Variants in CCDC172 observed in about 807,000 individuals in gnomAD.
The protein encoded by CCDC172 is coiled-coil domain containing 172, also known as coiled-coil domain-containing protein 172.
In CCDC172, 30 loss-of-function variants were observed where a neutral mutation model predicts 38.0. The ratio of observed to expected loss-of-function variants is 0.79; its 90% CI spans 0.59 to 1.07. The LOEUF (loss-of-function observed/expected upper bound fraction) is 1.07. Among genes scored for constraint, CCDC172 ranks in the 50% least tolerant of loss-of-function variants. The pLI, the probability that CCDC172 is intolerant of heterozygous loss-of-function variation, is 0.00. For missense variants in CCDC172, 297 were observed against 290.1 expected, an observed-to-expected ratio of 1.02 and a Z score of -0.17; for synonymous variants, 78 against 88.3, an observed-to-expected ratio of 0.88 and a Z score of 0.66.
chr10:116,353,402 A>C (rs2134942444), intron 5 of CCDC172, among the ~76,000 whole-genome samples: 1 of 152,330 alleles, frequency 6.6e-6, no homozygotes, highest in Admixed American at 6.5e-5. Flanking sequence ...CATCAAAGTT[A>C]AAAACTCTTG....
intron 7 of CCDC172, among the ~76,000 whole-genome samples, chr10:116,368,878 C>A (rs1318117687): frequency 6.6e-6 from 1 of 151,962 alleles, no homozygotes; most frequent in African/African-American, 2.4e-5. Flanking sequence ...TTCCTCCATT[C>A]TGTATGTATG....
chr10:116,360,231 A>G (rs1218657342), intron 7 of CCDC172, among the ~76,000 whole-genome samples: 1 of 152,182 alleles, frequency 6.6e-6, no homozygotes, highest in African/African-American at 2.4e-5. Flanking sequence ...GTTTTTTCAT[A>G]TAGTGTAGGG....
intron 5 of CCDC172, among the ~76,000 whole-genome samples, chr10:116,344,117 A>G (rs1844835249): frequency 6.6e-6 from 1 of 152,234 alleles, no homozygotes; most frequent in African/African-American, 2.4e-5. Flanking sequence ...TTAATCTGAA[A>G]GAAAGTGGGA....
At chr10:116,348,936 T>C (rs1844898781) in intron 5 of CCDC172, among the ~76,000 whole-genome samples, 2 of 152,168 alleles carry the variant, frequency 1.3e-5, no homozygotes, top group African/African-American at 4.8e-5. Context: ...GTAAGCCACA[T>C]AGCAGGAGGT....
At chr10:116,376,825 A>T (rs573521208) in intron 7 of CCDC172, among the ~76,000 whole-genome samples, 3 of 152,288 alleles carry the variant, frequency 2.0e-5, no homozygotes, top group Admixed American at 6.5e-5. Flanking sequence ...CTTAAAAGTA[A>T]GGCATGAGAA....
chr10:116,339,186 A>G (rs981279148), intron 3 of CCDC172, among the ~76,000 whole-genome samples: 1 of 151,940 alleles, frequency 6.6e-6, no homozygotes. Flanking sequence ...TTATCTTTTC[A>G]TTACTTTGAA....
chr10:116,353,147 C>T (rs958425198), intron 5 of CCDC172, among the ~76,000 whole-genome samples: 8 of 151,714 alleles, frequency 5.3e-5, no homozygotes, highest in Admixed American at 5.3e-4. Flanking sequence ...GAGCCGAGAT[C>T]GCGCCACTGC....
chr10:116,368,771 C>T (rs1249497496), intron 7 of CCDC172, among the ~76,000 whole-genome samples: 1 of 151,978 alleles, frequency 6.6e-6, no homozygotes, highest in Non-Finnish European at 1.5e-5. Context: ...TGCTTCTAAG[C>T]ACTTTAAGTG....
At chr10:116,376,008 G>A (rs952368797) in intron 7 of CCDC172, among the ~76,000 whole-genome samples, 3 of 152,152 alleles carry the variant, frequency 2.0e-5, no homozygotes, top group Admixed American at 2.0e-4. Flanking sequence ...ATTTGACTCA[G>A]CAATCCCATT....
chr10:116,374,339 T>C (rs1251738505), intron 7 of CCDC172, among the ~76,000 whole-genome samples: 1 of 152,170 alleles, frequency 6.6e-6, no homozygotes, highest in Non-Finnish European at 1.5e-5. Flanking sequence ...CTGAGGTTCC[T>C]AAGATCTACA....
At chr10:116,349,351 T>C (rs977968997) in intron 5 of CCDC172, among the ~76,000 whole-genome samples, 1 of 152,188 alleles carries the variant, frequency 6.6e-6, no homozygotes, top group African/African-American at 2.4e-5. Flanking sequence ...GGAAAAATTG[T>C]CTTCCACAAA....
chr10:116,325,200 T>C, intron 2 of CCDC172, 103 bp from the exon 3 acceptor site: 3 of 1,463,580 alleles, frequency 2.0e-6, no homozygotes, highest in South Asian at 2.3e-5. Flanking sequence ...GGAGCTTGCA[T>C]GCCATGCTGA....
intron 3 of CCDC172, among the ~76,000 whole-genome samples, chr10:116,326,938 G>A (rs1453647860): frequency 6.6e-6 from 1 of 152,172 alleles, no homozygotes; most frequent in African/African-American, 2.4e-5. Flanking sequence ...AAAGCTGGTG[G>A]TATGGGCAAA....
chr10:116,357,945 G>A lies in CCDC172; in HGVS notation c.653+7G>A. On this transcript the variant is annotated splice_region_variant and intron_variant, in intron 7 of 8. Transcript: ENST00000333254. ...ATGATACAGAATGCTTAAGGTAAGA[G>A]TTTCCTGTTATATTTTGGCCTAAAT... The A allele has an allele frequency of 2.7e-6, 4 of 1,507,834 alleles. No homozygotes were observed. The highest frequency in any genetic ancestry group is 3.7e-6 in the Non-Finnish European group (4 of 1,095,886). The allele number at this position is 1,507,834 out of a possible 1,614,324, so 93.4% of individuals were successfully genotyped here. A position where few individuals can be genotyped will look rare whatever the true frequency, so the allele number is the denominator to read the frequency against.
rs559822318 is a variant in CCDC172 at position 116,370,917 on chromosome 10, ATTATT to A, written c.654-7500_654-7496del. ...ATTTTATATCTTGTCACCTTACTAAATTATTTTATTATTTGAATTTTTTTATTCAT... is the reference window on the plus strand; with the variant it reads ...ATTTTATATCTTGTCACCTTACTAAATTATTATTTGAATTTTTTTATTCAT... On this transcript the variant is annotated intron_variant, in intron 7 of 8. Transcript: ENST00000333254. 4.6e-4 allele frequency among the ~76,000 whole-genome samples: 70 copies of A among 151,814 alleles called. 1 individual carries two copies. The South Asian group carries it at 0.014, about 31-fold the overall frequency.
At chr10:116,363,793 T>C (rs766215133) in intron 7 of CCDC172, among the ~76,000 whole-genome samples, 5 of 151,672 alleles carry the variant, frequency 3.3e-5, no homozygotes, top group Admixed American at 6.6e-5. Context: ...AAAAATTAGC[T>C]GGGGGTGGAT....
At chr10:116,350,240 T>C (rs1844914937) in intron 5 of CCDC172, among the ~76,000 whole-genome samples, 1 of 152,186 alleles carries the variant, frequency 6.6e-6, no homozygotes, top group African/African-American at 2.4e-5. Flanking sequence ...TTGACTGCTA[T>C]TGAGAACACA....
chr10:116,355,095 C>T (rs1027838640), intron 5 of CCDC172, among the ~76,000 whole-genome samples: 11 of 152,076 alleles, frequency 7.2e-5, no homozygotes, highest in Non-Finnish European at 1.3e-4. Flanking sequence ...GTAGCCTAAG[C>T]GTAGTGTTGA....
chr10:116,365,631 T>C (rs1184841006), intron 7 of CCDC172, among the ~76,000 whole-genome samples: 1 of 152,168 alleles, frequency 6.6e-6, no homozygotes, highest in Non-Finnish European at 1.5e-5. Context: ...AATTTATCTT[T>C]CCTTATTAAG....
Sources: gnomAD v4.1 joint callset for allele counts (sites outside exome capture counted in the v4.1 genomes callset) on GRCh38, gnomAD v4.1.1 for gene constraint, MANE v1.5 for transcripts, NCBI Gene and HGNC (gene_info 2026-07-23, HGNC 2026-07-21) for gene names.